FMN1: variants seen among roughly 807,000 people sequenced by gnomAD.
FMN1 encodes formin 1.
Under a neutral mutation model 132.4 loss-of-function variants are expected in FMN1, and 110 were observed. The ratio of observed to expected loss-of-function variants is 0.83; its 90% CI spans 0.71 to 0.97. The LOEUF is 0.97. Ranked by LOEUF, FMN1 falls within the 50% of genes least tolerant of loss-of-function variation. FMN1 has a pLI of 0.00. For synonymous variants in FMN1, 722 were observed against 651.7 expected, an observed-to-expected ratio of 1.11 and a Z score of -1.64; for missense variants, 1,792 against 1,705.3, an observed-to-expected ratio of 1.05 and a Z score of -0.90.
chr15:33,169,957 A>T (rs1361688085), intron 3 of FMN1, among the ~76,000 whole-genome samples: 1 of 152,112 alleles, frequency 6.6e-6, no homozygotes, highest in East Asian at 1.9e-4. Context: ...GGTCAGGATT[A>T]CCAAGAATAT....
intron 9 of FMN1, among the ~76,000 whole-genome samples, chr15:32,955,666 A>G (rs1057371875): frequency 1.3e-5 from 2 of 152,240 alleles, no homozygotes; most frequent in African/African-American, 4.8e-5. Context: ...TTTTTAAAGC[A>G]TAAATATTTA....
chr15:32,975,220 A>T (rs1418227144), intron 7 of FMN1, among the ~76,000 whole-genome samples: 1 of 152,216 alleles, frequency 6.6e-6, no homozygotes, highest in Non-Finnish European at 1.5e-5. Context: ...TTCTAGGTTC[A>T]TGTTGCATTA....
At chr15:33,062,162 A>G (rs2037513969) in intron 6 of FMN1, among the ~76,000 whole-genome samples, 1 of 152,216 alleles carries the variant, frequency 6.6e-6, no homozygotes, top group African/African-American at 2.4e-5. Context: ...ATATGGTAAT[A>G]TACATCAGAA....
intron 6 of FMN1, among the ~76,000 whole-genome samples, chr15:33,042,942 T>C (rs1225704838): frequency 6.6e-6 from 1 of 151,948 alleles, no homozygotes; most frequent in Non-Finnish European, 1.5e-5. Context: ...CCTTAACATA[T>C]CCTTATCCAT....
chr15:32,952,767 A>G (rs2061682261), intron 9 of FMN1, among the ~76,000 whole-genome samples: 1 of 152,212 alleles, frequency 6.6e-6, no homozygotes, highest in Non-Finnish European at 1.5e-5. Context: ...TAAGGCACCT[A>G]GCATGAAAGT....
At chr15:32,785,593 C>T (rs1224893305) in intron 19 of FMN1, among the ~76,000 whole-genome samples, 2 of 152,040 alleles carry the variant, frequency 1.3e-5, no homozygotes, top group Non-Finnish European at 2.9e-5. Context: ...TCAGTCAGTA[C>T]AGAAAATACA....
intron 7 of FMN1, among the ~76,000 whole-genome samples, chr15:32,984,500 A>T (rs1203372212): frequency 6.6e-6 from 1 of 152,152 alleles, no homozygotes; most frequent in African/African-American, 2.4e-5. Flanking sequence ...GCTTCTTGAT[A>T]TATTTTTCAT....
At chr15:33,087,570 C>A (rs368003398) in intron 5 of FMN1, among the ~76,000 whole-genome samples, 3 of 152,154 alleles carry the variant, frequency 2.0e-5, no homozygotes, top group African/African-American at 4.8e-5. Context: ...ACAACAACAA[C>A]AAAAAGAAAA....
Position 32,910,563 on chromosome 15 carries a change from A to G in FMN1, c.3227-28T>C, listed in dbSNP as rs114923377. ...GCCAAGCACCCAAAAAGAAAAGAGGATAAGGGATTTGATTAGGTCCCCTGC... is the reference window on the plus strand; with the variant it reads ...GCCAAGCACCCAAAAAGAAAAGAGGGTAAGGGATTTGATTAGGTCCCCTGC... On this transcript the variant is annotated intron_variant, in intron 10 of 20. Transcript: ENST00000616417. The G allele has an allele frequency of 1.5e-3, 2,265 of 1,541,836 alleles. 35 individuals carry two copies. In the African/African-American group the frequency reaches 0.027, roughly 19 times the overall value.
At chr15:33,078,645 A>C (rs1464466743) in intron 5 of FMN1, among the ~76,000 whole-genome samples, 1 of 66,078 alleles carries the variant, frequency 1.5e-5, no homozygotes, top group South Asian at 4.2e-4. Context: ...AAAAGGCAAC[A>C]AAAAAAAAAA....
rs377445451 is a variant in FMN1 at position 33,015,780 on chromosome 15, C to T, written c.2162-7705G>A. On this transcript the variant is annotated intron_variant, in intron 6 of 20. Transcript: ENST00000616417. Reference sequence around the variant, plus strand: ...TGCTTCCAAAACTTAGCACACACACCGGCAAGGTCATTTTTTGTAGGTATC... The same window carrying T: ...TGCTTCCAAAACTTAGCACACACACTGGCAAGGTCATTTTTTGTAGGTATC... Among the ~76,000 whole-genome samples, 52 of 152,194 alleles carry T rather than the reference C, an allele frequency of 3.4e-4. No homozygotes were observed. In the South Asian group the frequency reaches 9.6e-3, roughly 28 times the overall value.
chr15:32,821,279 A>G (rs1214918223), intron 17 of FMN1, among the ~76,000 whole-genome samples: 2 of 151,862 alleles, frequency 1.3e-5, no homozygotes, highest in Non-Finnish European at 2.9e-5. Context: ...GAATATATTT[A>G]GATTAATCCT....
Position 33,123,343 on chromosome 15 carries a change from A to G in FMN1, c.1867+29705T>C, listed in dbSNP as rs1962745870. On this transcript the variant is annotated intron_variant, in intron 4 of 20. Coordinates refer to ENST00000616417, the MANE Select transcript of FMN1 (RefSeq NM_001277313.2). ...ATAGCTTTTCACCATCTACTGAATT[A>G]GGTAAATACTCCTGAATCTGGCATT... is the stretch of plus-strand genomic sequence containing the variant. 3.9e-5 allele frequency among the ~76,000 whole-genome samples: 6 copies of G among 152,210 alleles called. No individual in the cohort carries two copies. In the South Asian group the frequency reaches 1.2e-3, roughly 32 times the overall value.
intron 7 of FMN1, among the ~76,000 whole-genome samples, chr15:33,007,065 G>A (rs1329110370): frequency 7.9e-5 from 12 of 152,066 alleles, no homozygotes; most frequent in African/African-American, 2.7e-4. Flanking sequence ...TGTTCTCACC[G>A]CATATAAATG....
At chr15:32,889,042 C>T (rs1159345399) in intron 15 of FMN1, among the ~76,000 whole-genome samples, 2 of 151,896 alleles carry the variant, frequency 1.3e-5, no homozygotes, top group Non-Finnish European at 2.9e-5. Flanking sequence ...TTTGTAGAGA[C>T]GGGGGTCTCA....
intron 5 of FMN1, among the ~76,000 whole-genome samples, chr15:33,080,807 A>C (rs1047508786): frequency 1.2e-4 from 18 of 152,246 alleles, no homozygotes; most frequent in African/African-American, 4.3e-4. Flanking sequence ...GAATAGATTG[A>C]ACCCAAGAGG....
chr15:32,884,086 T>C (rs1189942749), intron 16 of FMN1, among the ~76,000 whole-genome samples: 1 of 145,844 alleles, frequency 6.9e-6, no homozygotes, highest in Non-Finnish European at 1.5e-5. Context: ...TATTAACTGG[T>C]GCAATCAGAA....
At chr15:32,932,099 A>T (rs193296726) in intron 9 of FMN1, among the ~76,000 whole-genome samples, 89 of 152,280 alleles carry the variant, frequency 5.8e-4, no homozygotes, top group African/African-American at 2.1e-3. Flanking sequence ...TTAATGTGCT[A>T]TTAAATTATG....
intron 3 of FMN1, among the ~76,000 whole-genome samples, chr15:33,167,093 G>A (rs142417676): frequency 2.2e-4 from 34 of 152,316 alleles, no homozygotes; most frequent in African/African-American, 7.2e-4. Flanking sequence ...GAAAGAAAGA[G>A]GAGAGGAGAG....
Sources: gnomAD v4.1 joint callset for allele counts (sites outside exome capture counted in the v4.1 genomes callset) on GRCh38, gnomAD v4.1.1 for gene constraint, MANE v1.5 for transcripts, NCBI Gene and HGNC (gene_info 2026-07-23, HGNC 2026-07-21) for gene names.